The following MAML2 variants were observed in gnomAD, a reference collection of about 807,000 sequenced individuals.
MAML2 encodes mastermind like transcriptional coactivator 2, also known as mastermind-like protein 2.
Under a neutral mutation model 96.1 loss-of-function variants are expected in MAML2, and 22 were observed. The ratio of observed to expected loss-of-function variants is 0.23; its 90% CI spans 0.16 to 0.33. The LOEUF is 0.33. Among genes scored for constraint, MAML2 ranks in the 10% least tolerant of loss-of-function variants. The probability of loss-of-function intolerance (pLI) is 1.00; values close to 1 mark genes in which losing one functional copy is unlikely to be tolerated. For missense variants in MAML2, 1,367 were observed against 1,392.4 expected (o/e 0.98, Z 0.29); for synonymous variants, 561 against 521.3 (o/e 1.08, Z -1.04).
At chr11:96,017,646 G>A (rs1375637077) in intron 2 of MAML2, among the ~76,000 whole-genome samples, 1 of 152,152 alleles carries the variant, frequency 6.6e-6, no homozygotes, top group African/African-American at 2.4e-5. Context: ...TGGGTAGGGT[G>A]AGCAGAGAAG....
At chr11:96,096,035 C>CCAGACCAGAA (rs1424431153) in intron 1 of MAML2, among the ~76,000 whole-genome samples, 3 of 152,162 alleles carry the variant, frequency 2.0e-5, no homozygotes, top group African/African-American at 7.2e-5. Flanking sequence ...AGAACACAGA[C>CCAGACCAGAA]CAGAGAGAGT....
intron 2 of MAML2, among the ~76,000 whole-genome samples, chr11:96,024,800 C>T (rs1235310198): frequency 6.6e-6 from 1 of 152,156 alleles, no homozygotes; most frequent in African/African-American, 2.4e-5. Context: ...CCTAGACTGC[C>T]CTGCCACTCC....
intron 1 of MAML2, among the ~76,000 whole-genome samples, chr11:96,190,325 G>A (rs2135920252): frequency 6.6e-6 from 1 of 152,302 alleles, no homozygotes; most frequent in South Asian, 2.1e-4. Flanking sequence ...AAAGTTTAAT[G>A]AACTTGTCCC....
In MAML2 at chr11:96,131,491, G is replaced by A. The variant is rs1218894799; in HGVS notation, c.514-37974C>T. ...TTGTACACTTGAGAAAATAATATATGCTTTTCTCAAGTGTACATGAAACAT... is the reference window on the plus strand; with the variant it reads ...TTGTACACTTGAGAAAATAATATATACTTTTCTCAAGTGTACATGAAACAT... On this transcript the variant is annotated intron_variant, in intron 1 of 4. Coordinates refer to ENST00000524717, the MANE Select transcript of MAML2 (RefSeq NM_032427.4). Among the ~76,000 whole-genome samples, 3 of 152,102 alleles carry A rather than the reference G, an allele frequency of 2.0e-5. No homozygotes were observed. The East Asian group carries it at 5.8e-4, about 29-fold the overall frequency.
chr11:96,302,759 C>T (rs750948384), intron 1 of MAML2, among the ~76,000 whole-genome samples: 7 of 152,154 alleles, frequency 4.6e-5, no homozygotes, highest in Non-Finnish European at 8.8e-5. Flanking sequence ...AAACTCATGC[C>T]TGGTGCTTGC....
intron 1 of MAML2, among the ~76,000 whole-genome samples, chr11:96,184,521 T>C (rs1044719943): frequency 1.3e-5 from 2 of 151,688 alleles, no homozygotes; most frequent in Non-Finnish European, 2.9e-5. Context: ...TTCAACCCTT[T>C]ATAATTCAGA....
chr11:96,086,202 G>A (rs1208411613), intron 2 of MAML2, among the ~76,000 whole-genome samples: 2 of 152,120 alleles, frequency 1.3e-5, no homozygotes, highest in African/African-American at 2.4e-5. Flanking sequence ...AGTATGAAGG[G>A]GGTCATTTAA....
At chr11:96,269,217 G>A (rs975424843) in intron 1 of MAML2, among the ~76,000 whole-genome samples, 1 of 144,682 alleles carries the variant, frequency 6.9e-6, no homozygotes, top group African/African-American at 2.7e-5. Flanking sequence ...ACTGCATCAG[G>A]TAAGGGATTG....
intron 1 of MAML2, among the ~76,000 whole-genome samples, chr11:96,209,035 C>A (rs1861931584): frequency 6.6e-6 from 1 of 152,098 alleles, no homozygotes; most frequent in African/African-American, 2.4e-5. Context: ...AATGCAGTTT[C>A]TCAGTCTCCT....
chr11:95,988,283 G>A (rs1384306238), intron 3 of MAML2, among the ~76,000 whole-genome samples: 1 of 151,306 alleles, frequency 6.6e-6, no homozygotes. Context: ...TTTTGAGATG[G>A]AATCTCACTT....
At position 96,042,899 on chromosome 11, in the gene MAML2, C is replaced by G. The variant is rs201589547; in HGVS notation, c.2139+48993G>C. Among the ~76,000 whole-genome samples the G allele has an allele frequency of 9.9e-5, 15 of 152,180 alleles. No homozygotes were observed. In the East Asian group the frequency reaches 2.9e-3, roughly 29 times the overall value. ...AGCTAGGACTACAGGCATGTACCAC[C>G]ACACCCGGCTAATTTTTTGTATTTT... On this transcript the variant is annotated intron_variant, in intron 2 of 4. Transcript: ENST00000524717.
intron 1 of MAML2, among the ~76,000 whole-genome samples, chr11:96,287,665 G>A (rs145752223): frequency 5.3e-5 from 8 of 152,184 alleles, no homozygotes; most frequent in East Asian, 3.9e-4. Context: ...ACAATCTAGC[G>A]TTAAGTAGAT....
At position 96,343,106 on chromosome 11, in the gene MAML2, G is replaced by T; in HGVS notation, c.-1211C>A. 2 of 398,590 alleles carry T rather than the reference G, an allele frequency of 5.0e-6. No homozygotes were observed. Among genetic ancestry groups the T allele is most frequent in the Non-Finnish European group, 8.8e-6 (2 of 226,070 alleles). 24.7% of individuals were successfully genotyped at this position (398,590 alleles called of 1,614,324 possible). On this transcript the variant is annotated 5_prime_UTR_variant, in exon 1 of 5. Transcript: ENST00000524717. ...TTCTCTTTCTCGTCTGTTGTTAGCC[G>T]CTTTGCTGACACTGGCTCGCGCCCG... is the stretch of plus-strand genomic sequence containing the variant.
chr11:96,294,383 C>T (rs1055223033), intron 1 of MAML2, among the ~76,000 whole-genome samples: 3 of 151,778 alleles, frequency 2.0e-5, no homozygotes, highest in East Asian at 1.9e-4. Context: ...AAGATGTAGT[C>T]GCCCATAAAA....
intron 1 of MAML2, among the ~76,000 whole-genome samples, chr11:96,105,901 C>T (rs1860014574): frequency 6.6e-6 from 1 of 151,900 alleles, no homozygotes; most frequent in Non-Finnish European, 1.5e-5. Context: ...ACCTACACTC[C>T]AGGCAATTTA....
intron 1 of MAML2, among the ~76,000 whole-genome samples, chr11:96,306,284 G>C (rs1863460754): frequency 6.6e-6 from 1 of 152,184 alleles, no homozygotes; most frequent in Admixed American, 6.5e-5. Flanking sequence ...TCTTCCAAGA[G>C]TTCCCTGGAA....
intron 2 of MAML2, among the ~76,000 whole-genome samples, chr11:96,008,449 A>G (rs1858220072): frequency 6.6e-6 from 1 of 152,200 alleles, no homozygotes; most frequent in African/African-American, 2.4e-5. Flanking sequence ...TTAAAATGAT[A>G]TACATTTGGG....
intron 1 of MAML2, among the ~76,000 whole-genome samples, chr11:96,203,647 C>CT (rs1861857148): frequency 6.6e-6 from 1 of 152,176 alleles, no homozygotes; most frequent in African/African-American, 2.4e-5. Flanking sequence ...GAGAAATACA[C>CT]TTAAACACAA....
At chr11:96,181,320 G>A (rs904270108) in intron 1 of MAML2, among the ~76,000 whole-genome samples, 1 of 152,136 alleles carries the variant, frequency 6.6e-6, no homozygotes, top group African/African-American at 2.4e-5. Context: ...TATAAGGCAG[G>A]AGCTGCTTAG....
Sources: allele counts gnomAD v4.1 joint callset (sites outside exome capture counted in the v4.1 genomes callset), GRCh38; gene constraint gnomAD v4.1.1; transcripts MANE v1.5; gene names NCBI Gene and HGNC (gene_info 2026-07-23, HGNC 2026-07-21).